Variants in RRBP1 observed in about 807,000 individuals in gnomAD.
The protein encoded by RRBP1 is ribosome-binding protein 1.
In RRBP1, 94 loss-of-function variants were observed where a neutral mutation model predicts 165.2. The observed-to-expected ratio is 0.57, with a 90% CI of 0.48 to 0.68. The LOEUF (loss-of-function observed/expected upper bound fraction) is 0.68. Ranked by LOEUF, RRBP1 falls within the 30% of genes least tolerant of loss-of-function variation. The pLI is 0.00. For synonymous variants in RRBP1, 680 were observed against 714.5 expected (o/e 0.95, Z 0.77); for missense variants, 1,676 against 1,763.0 (o/e 0.95, Z 0.88).
Position 17,660,449 on chromosome 20 carries a change from A to G in RRBP1, c.59T>C (p.Val20Ala), listed in dbSNP as rs2036744215. ...CACCAGGAAGATGCCAATGGCAGAA[A>G]CAACCATGAATCCTCCAAAGACCAC... ...GVVVFGGFMV[V>A]SAIGIFLVST... Residue 20 changes from valine to alanine, a missense_variant, in exon 3 of 25, where the codon GTT (valine) becomes GCT (alanine). Transcript: ENST00000377813. The G allele has an allele frequency of 5.6e-6, 9 of 1,614,204 alleles. No individual in the cohort carries two copies. The highest frequency in any genetic ancestry group is 6.8e-6 in the Non-Finnish European group (8 of 1,180,036).
At position 17,614,163 on chromosome 20, in the gene RRBP1, C is replaced by G. The variant is rs1387994797; in HGVS notation, c.*19G>C. On this transcript the variant is annotated 3_prime_UTR_variant, in exon 25 of 25. Transcript: ENST00000377813. ...ATTTTGGTAAGTTGAACAGTAACTT[C>G]TTTTTCCAAAGAGGAAACTCAGACA... The G allele has an allele frequency of 6.2e-7, 1 of 1,613,440 alleles. No homozygotes were observed. Among genetic ancestry groups the G allele is most frequent in the Non-Finnish European group, 8.5e-7 (1 of 1,179,548 alleles).
At chr20:17,662,058 C>G (rs941214410) in intron 2 of RRBP1, among the ~76,000 whole-genome samples, 2 of 152,044 alleles carry the variant, frequency 1.3e-5, no homozygotes, top group African/African-American at 4.8e-5. Context: ...GTCAGGAGAT[C>G]GAGACCATCC....
At chr20:17,679,648 G>A (rs2037143172) in intron 2 of RRBP1, among the ~76,000 whole-genome samples, 1 of 152,154 alleles carries the variant, frequency 6.6e-6, no homozygotes, top group South Asian at 2.1e-4. Context: ...TGAGTTTGCT[G>A]CTATGTAATT....
At chr20:17,627,187 C>CT (rs11472106) in intron 11 of RRBP1, among the ~76,000 whole-genome samples, 161 bp downstream of exon 11, 5 of 151,996 alleles carry the variant, frequency 3.3e-5, no homozygotes, top group East Asian at 1.9e-4. Context: ...AGGCCTGTCC[C>CT]GTCCTCTAAA....
chr20:17,637,532 C>T (rs752810172), intron 5 of RRBP1, among the ~76,000 whole-genome samples: 20 of 152,176 alleles, frequency 1.3e-4, no homozygotes, highest in Non-Finnish European at 2.8e-4. Flanking sequence ...ACACAGCAGG[C>T]CTGAGTGACC....
rs572949129 is a variant in RRBP1 at position 17,627,779 on chromosome 20, A to G, written c.2750-97T>C. 4.9e-6 allele frequency: 6 copies of G among 1,224,158 alleles called. No individual in the cohort carries two copies. The Admixed American group carries it at 8.1e-5, about 16-fold the overall frequency. 75.8% of individuals were successfully genotyped at this position (1,224,158 alleles called of 1,614,324 possible). On this transcript the variant is annotated intron_variant, in intron 9 of 24. Transcript: ENST00000377813. The stretch of plus-strand genomic sequence containing the variant: ...GCTGCCCTCTTAGCACATGTGGGGC[A>G]CCGAGGGCTTCCTCCTGCCTCCTCT...
Position 17,620,282 on chromosome 20 carries a change from C to T in RRBP1, c.3579+17G>A. 9 of 1,597,848 alleles carry T rather than the reference C, an allele frequency of 5.6e-6. No individual in the cohort carries two copies. The highest frequency in any genetic ancestry group is 7.7e-6 in the Non-Finnish European group (9 of 1,165,324). On this transcript the variant is annotated intron_variant, in intron 18 of 24. Transcript: ENST00000377813. ...CTCCCGGGACAAGAGAAAGAGTTCT[C>T]TGAGCAGAGCACATACCTGGTCCGA...
At chr20:17,624,700 C>T (rs2035982901) in intron 12 of RRBP1, 32 bp from the exon 13 acceptor site, 1 of 1,478,270 alleles carries the variant, frequency 6.8e-7, no homozygotes, top group African/African-American at 1.4e-5. Context: ...GGTCAGCAGC[C>T]TGCACTGGCA....
At chr20:17,620,540 G>A (rs762637131) in intron 17 of RRBP1, 170 bp from the exon 18 acceptor site, 26 of 811,934 alleles carry the variant, frequency 3.2e-5, no homozygotes, top group East Asian at 1.3e-4. Flanking sequence ...CTTCCTAGGC[G>A]GGGGCCTCCT....
At chr20:17,619,919 C>A (rs1052965) in intron 18 of RRBP1, 191 bp from the exon 19 acceptor site, 368,135 of 552,172 alleles carry the variant, frequency 0.67, 133,659 homozygotes, top group Non-Finnish European at 0.77. Context: ...CAGGCTGCAC[C>A]CGGGCACTCC....
At position 17,619,736 on chromosome 20, in the gene RRBP1, G is replaced by C. The variant is rs1027293689; in HGVS notation, c.3580-8C>G. The stretch of plus-strand genomic sequence containing the variant: ...CGACGTGTGCTCCCTCACCTGGACA[G>C]ATGCACAGACACGCACACGCATGCG... On this transcript the variant is annotated splice_polypyrimidine_tract_variant and splice_region_variant and intron_variant, in intron 18 of 24. Transcript: ENST00000377813. 1.2e-6 allele frequency: 2 copies of C among 1,601,954 alleles called. No individual in the cohort carries two copies. The highest frequency in any genetic ancestry group is 1.1e-5 in the South Asian group (1 of 90,140).
intron 3 of RRBP1, among the ~76,000 whole-genome samples, chr20:17,648,817 T>A (rs1284671023): frequency 6.6e-6 from 1 of 152,210 alleles, no homozygotes; most frequent in Non-Finnish European, 1.5e-5. Flanking sequence ...CGACAATTCC[T>A]GGAGGACCTC....
Position 17,624,562 on chromosome 20 carries a change from G to C in RRBP1, c.3147+14C>G. On this transcript the variant is annotated intron_variant, in intron 13 of 24. Transcript: ENST00000377813. The stretch of plus-strand genomic sequence containing the variant: ...CTTTCCATGGTGGGGGTGTGAGTGT[G>C]GTCGGGCTCTGACCTTGGCCTGGGT... 1 of 1,565,526 alleles carries C rather than the reference G, an allele frequency of 6.4e-7. No individual in the cohort carries two copies. Among genetic ancestry groups the C allele is most frequent in the South Asian group, 1.2e-5 (1 of 85,998 alleles).
intron 22 of RRBP1, 92 bp from the exon 23 acceptor site, chr20:17,615,621 C>A (rs2035784900): frequency 2.1e-6 from 2 of 968,270 alleles, no homozygotes; most frequent in African/African-American, 1.7e-5. Context: ...GACCAGGGGG[C>A]CCCCCCAGCC....
intron 2 of RRBP1, among the ~76,000 whole-genome samples, chr20:17,674,520 T>C (rs1281331919): frequency 1.3e-5 from 2 of 151,838 alleles, no homozygotes; most frequent in South Asian, 2.1e-4. Flanking sequence ...TCCCAGCACT[T>C]TGGGAGGCCG....
At chr20:17,673,510 T>G (rs3790306) in intron 2 of RRBP1, among the ~76,000 whole-genome samples, 20,526 of 152,140 alleles carry the variant, frequency 0.13, 1,627 homozygotes, top group Middle Eastern at 0.24. Context: ...CCGGGTTCAA[T>G]TGATTCTCCT....
intron 2 of RRBP1, among the ~76,000 whole-genome samples, chr20:17,667,791 C>T (rs905708874): frequency 2.0e-5 from 3 of 152,184 alleles, no homozygotes; most frequent in Non-Finnish European, 2.9e-5. Flanking sequence ...TAGGGTCTTG[C>T]CAAAGTACAT....
chr20:17,658,460 A>AT lies in RRBP1; in HGVS notation c.1912+135dup, dbSNP rs111790829. On this transcript the variant is annotated intron_variant, in intron 3 of 24. Coordinates refer to ENST00000377813, the MANE Select transcript of RRBP1 (RefSeq NM_001365613.2). ...AATGACTGCTGTTGAAGGCCACTGA[A>AT]TTTTTTTTTGAATGTTTGTTACGCA... The AT allele has an allele frequency of 1.6e-3, 1,131 of 727,126 alleles. 11 individuals carry two copies. The highest frequency in any genetic ancestry group is 0.014 in the African/African-American group (788 of 56,370). 45.0% of individuals were successfully genotyped at this position (727,126 alleles called of 1,614,324 possible).
chr20:17,664,629 T>C (rs922672584), intron 2 of RRBP1, among the ~76,000 whole-genome samples: 3 of 152,202 alleles, frequency 2.0e-5, no homozygotes, highest in African/African-American at 7.2e-5. Context: ...CCAAACTCTT[T>C]AGACACAGAA....
Sources: allele counts gnomAD v4.1 joint callset (sites outside exome capture counted in the v4.1 genomes callset), GRCh38; gene constraint gnomAD v4.1.1; transcripts MANE v1.5; gene names NCBI Gene and HGNC (gene_info 2026-07-23, HGNC 2026-07-21).